The following FZD1 variants were observed in gnomAD, a reference collection of about 807,000 sequenced individuals.
The protein encoded by FZD1 is frizzled-1.
FZD1 carries 22 observed loss-of-function variants against 48.0 expected under a neutral mutation model. The ratio of observed to expected loss-of-function variants is 0.46; its 90% confidence interval spans 0.33 to 0.65. The LOEUF is 0.65. FZD1 is among the 30% of genes least tolerant of loss of function. The pLI is 0.02. For synonymous variants in FZD1, 486 were observed against 409.6 expected, an observed-to-expected ratio of 1.19 and a Z score of -2.25; for missense variants, 843 against 898.1, an observed-to-expected ratio of 0.94 and a Z score of 0.78.
In FZD1 at chr7:91,269,144, C is replaced by G. The variant is rs1007883465; in HGVS notation, c.*2320C>G. The G allele has an allele frequency of 1.8e-5, 3 of 166,882 alleles. No individual in the cohort carries two copies. Among genetic ancestry groups the G allele is most frequent in the African/African-American group, 7.2e-5 (3 of 41,400 alleles). 10.3% of individuals were successfully genotyped at this position (166,882 alleles called of 1,614,324 possible). ...TTCCATAATCTTGGATATTACAAAACCCTAAATAGGCAATCAATAAATGGT... is the reference window on the plus strand; with the variant it reads ...TTCCATAATCTTGGATATTACAAAAGCCTAAATAGGCAATCAATAAATGGT... On this transcript the variant is annotated 3_prime_UTR_variant, in exon 1 of 1. Coordinates refer to ENST00000287934, the MANE Select transcript of FZD1 (RefSeq NM_003505.2).
At position 91,270,077 on chromosome 7, in the gene FZD1, T is replaced by C. The variant is rs934606342; in HGVS notation, c.*3253T>C. The C allele has an allele frequency of 6.0e-6, 1 of 167,052 alleles. No individual in the cohort carries two copies. The highest frequency in any genetic ancestry group is 1.5e-5 in the Non-Finnish European group (1 of 68,092). The allele number at this position is 167,052 out of a possible 1,614,324, so 10.3% of individuals were successfully genotyped here. ...ATTTCTTTTAATACTGGTGGCAAAATAGGACGTGTCTGGAAAACCATAAGG... is the reference window on the plus strand; with the variant it reads ...ATTTCTTTTAATACTGGTGGCAAAACAGGACGTGTCTGGAAAACCATAAGG... On this transcript the variant is annotated 3_prime_UTR_variant, in exon 1 of 1. Transcript: ENST00000287934.
At position 91,269,360 on chromosome 7, in the gene FZD1, A is replaced by C. The variant is rs992167784; in HGVS notation, c.*2536A>C. On this transcript the variant is annotated 3_prime_UTR_variant, in exon 1 of 1. Transcript: ENST00000287934. Reference sequence around the variant, plus strand: ...TGTGTATATATAGATAAGTATACACATAAGTATATATGCATTAATTTTTAT... The same window carrying C: ...TGTGTATATATAGATAAGTATACACCTAAGTATATATGCATTAATTTTTAT... 1 of 166,964 alleles carries C rather than the reference A, an allele frequency of 6.0e-6. No homozygotes were observed. The highest frequency in any genetic ancestry group is 2.4e-5 in the African/African-American group (1 of 41,468). 10.3% of individuals were successfully genotyped at this position (166,964 alleles called of 1,614,324 possible). A position where few individuals can be genotyped will look rare whatever the true frequency, so the allele number is the denominator to read the frequency against.
chr7:91,265,155 C>CGCT lies in FZD1; in HGVS notation c.277_278insTGC (p.Pro92_Pro93insLeu), dbSNP rs749576541. 3.7e-6 allele frequency: 6 copies of CGCT among 1,606,450 alleles called. No homozygotes were observed. The highest frequency in any genetic ancestry group is 3.4e-5 in the Admixed American group (2 of 59,664). On this transcript the variant is annotated inframe_insertion, in exon 1 of 1. Transcript: ENST00000287934. The surrounding 1 kb of genome is among the most constrained non-coding windows in gnomAD (Gnocchi z 6.9). ...GGGCCGGGGCAGCAACCGCCGCCGCCGCCTCAGCAGCAACAGAGCGGGCAG... is the reference window on the plus strand; with the variant it reads ...GGGCCGGGGCAGCAACCGCCGCCGCCGCTGCCTCAGCAGCAACAGAGCGGGCAG...
rs756059530 is a variant in FZD1 at position 91,266,765 on chromosome 7, T to G, written c.1885T>G (p.Ser629Ala). The G allele has an allele frequency of 6.2e-7, 1 of 1,611,922 alleles. No individual in the cohort carries two copies. Among genetic ancestry groups the G allele is most frequent in the Non-Finnish European group, 8.5e-7 (1 of 1,178,860 alleles). ...GATCTGGTCCGGCAAGACCCTCAAC[T>G]CCTGGAGGAAGTTCTACACGAGGCT... ...FWIWSGKTLNSWRKFYTRLTN... is the reference protein window; with the variant it reads ...FWIWSGKTLNAWRKFYTRLTN... Residue 629 changes from serine to alanine, a missense_variant, in exon 1 of 1, where the codon TCC (serine) becomes GCC (alanine). Physicochemically the swap from Ser to Ala is moderately conservative, Grantham distance 99. Around this residue, in one of 2 missense-constraint regions of FZD1, gnomAD observed 353 missense variants for 431.6 expected, o/e 0.82. Transcript: ENST00000287934. The surrounding 1 kb of genome is among the most constrained non-coding windows in gnomAD (Gnocchi z 6.8).
chr7:91,266,204 G>C lies in FZD1; in HGVS notation c.1324G>C (p.Ala442Pro), dbSNP rs1187357215. The change falls in exon 1 of 1, where the codon GCC becomes CCC. Residue 442 changes from alanine to proline, a missense_variant. Coordinates refer to ENST00000287934, the MANE Select transcript of FZD1 (RefSeq NM_003505.2). The surrounding 1 kb of genome is among the most constrained non-coding windows in gnomAD (Gnocchi z 6.8). ...GAAGTGGGGCCACGAGGCCATCGAAGCCAACTCACAGTATTTTCACCTGGC... is the reference window on the plus strand; with the variant it reads ...GAAGTGGGGCCACGAGGCCATCGAACCCAACTCACAGTATTTTCACCTGGC... ...GMKWGHEAIE[A>P]NSQYFHLAAW... 1 of 1,614,176 alleles carries C rather than the reference G, an allele frequency of 6.2e-7. No individual in the cohort carries two copies. Among genetic ancestry groups the C allele is most frequent in the Non-Finnish European group, 8.5e-7 (1 of 1,180,030 alleles).
Position 91,266,821 on chromosome 7 carries a change from C to G in FZD1, c.1941C>G (p.Val647=). 1 of 1,574,836 alleles carries G rather than the reference C, an allele frequency of 6.3e-7. No individual in the cohort carries two copies. Among genetic ancestry groups the G allele is most frequent in the African/African-American group, 1.4e-5 (1 of 74,026 alleles). ...ACAGCAAACAAGGGGAGACTACAGTCTGAGACCCGGGGCTCAGCCCATGCC... is the reference window on the plus strand; with the variant it reads ...ACAGCAAACAAGGGGAGACTACAGTGTGAGACCCGGGGCTCAGCCCATGCC... ...LTNSKQGETT[V] The change falls in exon 1 of 1, where the codon GTC becomes GTG. Residue 647 remains valine (V), a synonymous_variant. Transcript: ENST00000287934. This position sits in a 1 kb window ranked among gnomAD's most constrained non-coding sequence, Gnocchi z 6.8.
In FZD1 at chr7:91,266,438, A is replaced by G. The variant is rs377524599; in HGVS notation, c.1558A>G (p.Met520Val). The change falls in exon 1 of 1, where the codon ATG becomes GTG. Residue 520 changes from methionine to valine, a missense_variant. Met to Val is a conservative substitution (Grantham distance 21, BLOSUM62 1). Around this residue, in one of 2 missense-constraint regions of FZD1, gnomAD observed 353 missense variants for 431.6 expected, o/e 0.82. Transcript: ENST00000287934. This position sits in a 1 kb window ranked among gnomAD's most constrained non-coding sequence, Gnocchi z 6.8. ...FVSLFRIRTI[M>V]KHDGTKTEKL... ...GTCGCTCTTCCGCATCCGCACCATC[A>G]TGAAGCACGATGGCACCAAGACCGA... The G allele has an allele frequency of 1.2e-5, 19 of 1,613,994 alleles. No homozygotes were observed. The highest frequency in any genetic ancestry group is 1.5e-5 in the Non-Finnish European group (18 of 1,179,998).
Position 91,266,416 on chromosome 7 carries a change from G to A in FZD1, c.1536G>A (p.Ser512=), listed in dbSNP as rs764016044. 1.1e-5 allele frequency: 18 copies of A among 1,614,146 alleles called. No homozygotes were observed. The South Asian group carries it at 2.0e-4, about 18-fold the overall frequency. Residue 512 remains serine (S), a synonymous_variant, in exon 1 of 1, where the codon TCG becomes TCA. Transcript: ENST00000287934. This position sits in a 1 kb window ranked among gnomAD's most constrained non-coding sequence, Gnocchi z 6.8. ...CCTTTCTGCTGGCCGGCTTTGTGTC[G>A]CTCTTCCGCATCCGCACCATCATGA... ...GTSFLLAGFV[S]LFRIRTIMKH...
At position 91,264,941 on chromosome 7, in the gene FZD1, C is replaced by A. The variant is rs887932162; in HGVS notation, c.61C>A (p.Leu21Ile). ...RAAGGGASWE[L>I]CAGALSARLA... ...CGCCGGCGGTGGCGCGAGCTGGGAA[C>A]TTTGTGCCGGGGCGCTCTCGGCCCG... is the stretch of plus-strand genomic sequence containing the variant. The change falls in exon 1 of 1, where the codon CTT (leucine) becomes ATT (isoleucine). Residue 21 changes from leucine (L) to isoleucine (I), a missense_variant. Leu to Ile is a conservative substitution (Grantham distance 5, BLOSUM62 2). Transcript: ENST00000287934. 5.7e-5 allele frequency: 77 copies of A among 1,346,878 alleles called. No homozygotes were observed. Among genetic ancestry groups the A allele is most frequent in the Non-Finnish European group, 7.1e-5 (75 of 1,053,888 alleles). The allele number at this position is 1,346,878 out of a possible 1,614,324, so 83.4% of individuals were successfully genotyped here. A position where few individuals can be genotyped will look rare whatever the true frequency, so the allele number is the denominator to read the frequency against.
Position 91,266,913 on chromosome 7 carries a change from T to G in FZD1, c.*89T>G. On this transcript the variant is annotated 3_prime_UTR_variant, in exon 1 of 1. Transcript: ENST00000287934. The surrounding 1 kb of genome is among the most constrained non-coding windows in gnomAD (Gnocchi z 6.8). Reference sequence around the variant, plus strand: ...CGTGGAGTTCGTGCCAATCCTGACATCTCGAGGTTTCCTCACTAGACAACT... The same window carrying G: ...CGTGGAGTTCGTGCCAATCCTGACAGCTCGAGGTTTCCTCACTAGACAACT... 1.2e-6 allele frequency: 1 copy of G among 828,362 alleles called. No individual in the cohort carries two copies. The allele number at this position is 828,362 out of a possible 1,614,324, so 51.3% of individuals were successfully genotyped here.
At position 91,265,521 on chromosome 7, in the gene FZD1, A is replaced by C. The variant is rs1262354665; in HGVS notation, c.641A>C (p.Lys214Thr). 11 of 1,612,202 alleles carry C rather than the reference A, an allele frequency of 6.8e-6. No individual in the cohort carries two copies. The change falls in exon 1 of 1, where the codon AAG (lysine) becomes ACG (threonine). Residue 214 changes from lysine to threonine, a missense_variant. Around this residue, in one of 2 missense-constraint regions of FZD1, gnomAD observed 490 missense variants for 466.5 expected, o/e 1.05. Coordinates refer to ENST00000287934, the MANE Select transcript of FZD1 (RefSeq NM_003505.2). This position sits in a 1 kb window ranked among gnomAD's most constrained non-coding sequence, Gnocchi z 6.9. ...GGCTTCCAGTGGCCAGACACGCTCAAGTGTGAGAAGTTCCCGGTGCACGGC... is the reference window on the plus strand; with the variant it reads ...GGCTTCCAGTGGCCAGACACGCTCACGTGTGAGAAGTTCCCGGTGCACGGC... ...KFGFQWPDTL[K>T]CEKFPVHGAG...
chr7:91,270,843 G>A lies in FZD1; in HGVS notation c.*4019G>A, dbSNP rs1463976216. The A allele has an allele frequency of 3.0e-5, 5 of 167,020 alleles. No individual in the cohort carries two copies. The highest frequency in any genetic ancestry group is 2.9e-5 in the Non-Finnish European group (2 of 68,108). The allele number at this position is 167,020 out of a possible 1,614,324, so 10.3% of individuals were successfully genotyped here. A position where few individuals can be genotyped will look rare whatever the true frequency, so the allele number is the denominator to read the frequency against. ...GATTAGAAGCAAAATGTAGTCGTAC[G>A]TATGTCTAGAGGTGGACGCTGGTGA... On this transcript the variant is annotated 3_prime_UTR_variant, in exon 1 of 1. Transcript: ENST00000287934.
chr7:91,265,860 C>T lies in FZD1; in HGVS notation c.980C>T (p.Ser327Leu). The T allele has an allele frequency of 6.2e-7, 1 of 1,613,894 alleles. No individual in the cohort carries two copies. Among genetic ancestry groups the T allele is most frequent in the Non-Finnish European group, 8.5e-7 (1 of 1,179,752 alleles). The change falls in exon 1 of 1, where the codon TCA (serine) becomes TTA (leucine). Residue 327 changes from serine (S) to leucine (L), a missense_variant. Ser to Leu is a moderately radical substitution (Grantham distance 145, BLOSUM62 -2). This residue lies in a region of FZD1 where 490 missense variants were observed against 466.5 expected (regional missense o/e 1.05). Transcript: ENST00000287934. This position sits in a 1 kb window ranked among gnomAD's most constrained non-coding sequence, Gnocchi z 6.9. ...TCGCGCACCTGGATTGGCATTTGGTCAGTGCTGTGCTGCGCCTCCACGCTC... is the reference window on the plus strand; with the variant it reads ...TCGCGCACCTGGATTGGCATTTGGTTAGTGCTGTGCTGCGCCTCCACGCTC... ...RFSRTWIGIWSVLCCASTLFT... is the reference protein window; with the variant it reads ...RFSRTWIGIWLVLCCASTLFT...
chr7:91,266,848 A>C lies in FZD1; in HGVS notation c.*24A>C. The C allele has an allele frequency of 6.8e-7, 1 of 1,472,720 alleles. No homozygotes were observed. Among genetic ancestry groups the C allele is most frequent in the Non-Finnish European group, 9.2e-7 (1 of 1,083,618 alleles). The allele number at this position is 1,472,720 out of a possible 1,614,324, so 91.2% of individuals were successfully genotyped here. On this transcript the variant is annotated 3_prime_UTR_variant, in exon 1 of 1. Transcript: ENST00000287934. The surrounding 1 kb of genome is among the most constrained non-coding windows in gnomAD (Gnocchi z 6.8). ...GAGACCCGGGGCTCAGCCCATGCCC[A>C]GGCCTCGGCCGGGGCGCAGCGATCC... is the stretch of plus-strand genomic sequence containing the variant.
rs767058121 is a variant in FZD1 at position 91,265,200 on chromosome 7, G to C, written c.320G>C (p.Gly107Ala). The C allele has an allele frequency of 1.1e-5, 17 of 1,613,398 alleles. No individual in the cohort carries two copies. Among genetic ancestry groups the C allele is most frequent in the Non-Finnish European group, 1.4e-5 (17 of 1,179,904 alleles). ...GGGCAGCAGTACAACGGCGAGCGGG[G>C]CATCTCCGTCCCGGACCACGGCTAT... ...QSGQQYNGERGISVPDHGYCQ... is the reference protein window; with the variant it reads ...QSGQQYNGERAISVPDHGYCQ... The change falls in exon 1 of 1, where the codon GGC (glycine) becomes GCC (alanine). Residue 107 changes from glycine (G) to alanine (A), a missense_variant. Transcript: ENST00000287934. The surrounding 1 kb of genome is among the most constrained non-coding windows in gnomAD (Gnocchi z 6.9).
At position 91,265,294 on chromosome 7, in the gene FZD1, G is replaced by T. The variant is rs1584243263; in HGVS notation, c.414G>T (p.Leu138=). 2 of 1,614,146 alleles carry T rather than the reference G, an allele frequency of 1.2e-6. No homozygotes were observed. The highest frequency in any genetic ancestry group is 1.7e-6 in the Non-Finnish European group (2 of 1,179,990). ...ACCAGACCATCATGCCCAACCTGCT[G>T]GGCCACACGAACCAGGAGGACGCGG... ...AYNQTIMPNL[L]GHTNQEDAGL... Residue 138 remains leucine, a synonymous_variant, in exon 1 of 1, where the codon CTG becomes CTT. Coordinates refer to ENST00000287934, the MANE Select transcript of FZD1 (RefSeq NM_003505.2). The surrounding 1 kb of genome is among the most constrained non-coding windows in gnomAD (Gnocchi z 6.9).
chr7:91,266,556 AGGC>A lies in FZD1; in HGVS notation c.1677_1679del (p.Gln559_Ala560delinsHis). On this transcript the variant is annotated inframe_deletion, in exon 1 of 1. Transcript: ENST00000287934. This position sits in a 1 kb window ranked among gnomAD's most constrained non-coding sequence, Gnocchi z 6.8. ...GTCATCGCCTGCTACTTCTACGAGCAGGCCTTCCGGGACCAGTGGGAACGCAGC... is the reference window on the plus strand; with the variant it reads ...GTCATCGCCTGCTACTTCTACGAGCACTTCCGGGACCAGTGGGAACGCAGC... 1.2e-6 allele frequency: 2 copies of A among 1,613,926 alleles called. No homozygotes were observed. Among genetic ancestry groups the A allele is most frequent in the Non-Finnish European group, 1.7e-6 (2 of 1,180,042 alleles).
rs1367795466 is a variant in FZD1 at position 91,266,827 on chromosome 7, C to T, written c.*3C>T. ...AACAAGGGGAGACTACAGTCTGAGA[C>T]CCGGGGCTCAGCCCATGCCCAGGCC... On this transcript the variant is annotated 3_prime_UTR_variant, in exon 1 of 1. Coordinates refer to ENST00000287934, the MANE Select transcript of FZD1 (RefSeq NM_003505.2). The surrounding 1 kb of genome is among the most constrained non-coding windows in gnomAD (Gnocchi z 6.8). 6.4e-7 allele frequency: 1 copy of T among 1,565,890 alleles called. No individual in the cohort carries two copies. The highest frequency in any genetic ancestry group is 1.2e-5 in the South Asian group (1 of 84,478).
In FZD1 at chr7:91,266,567, G is replaced by A; in HGVS notation, c.1687G>A (p.Asp563Asn). 1.9e-6 allele frequency: 3 copies of A among 1,613,758 alleles called. No homozygotes were observed. Among genetic ancestry groups the A allele is most frequent in the Non-Finnish European group, 2.5e-6 (3 of 1,180,024 alleles). The part of the protein sequence containing the change: ...ACYFYEQAFR[D>N]QWERSWVAQS... ...CTACTTCTACGAGCAGGCCTTCCGGGACCAGTGGGAACGCAGCTGGGTGGC... is the reference window on the plus strand; with the variant it reads ...CTACTTCTACGAGCAGGCCTTCCGGAACCAGTGGGAACGCAGCTGGGTGGC... Residue 563 changes from aspartate (D) to asparagine (N), a missense_variant, in exon 1 of 1, where the codon GAC becomes AAC. Around this residue, in one of 2 missense-constraint regions of FZD1, gnomAD observed 353 missense variants for 431.6 expected, o/e 0.82. Coordinates refer to ENST00000287934, the MANE Select transcript of FZD1 (RefSeq NM_003505.2). This position sits in a 1 kb window ranked among gnomAD's most constrained non-coding sequence, Gnocchi z 6.8.
Sources: gnomAD v4.1 joint callset for allele counts on GRCh38, gnomAD v4.1.1 for gene constraint, gnomAD v4.1.1 regional missense constraint, Gnocchi (gnomAD v3.1) non-coding constraint, MANE v1.5 for transcripts, NCBI Gene and HGNC (gene_info 2026-07-23, HGNC 2026-07-21) for gene names.